Variants in CEP128 observed in about 807,000 individuals in gnomAD.
CEP128 encodes the protein centrosomal protein 128kDa.
Under a neutral mutation model 156.7 loss-of-function variants are expected in CEP128, and 132 were observed. The ratio of observed to expected loss-of-function variants is 0.84; its 90% confidence interval spans 0.73 to 0.97. The LOEUF (loss-of-function observed/expected upper bound fraction) is 0.97, where lower values mean the gene tolerates loss of function less well. CEP128 is among the 50% of genes least tolerant of loss of function. The pLI, the probability that CEP128 is intolerant of heterozygous loss-of-function variation, is 0.00. For missense variants in CEP128, 1,252 were observed against 1,281.9 expected (o/e 0.98, Z 0.36); for synonymous variants, 469 against 448.9 (o/e 1.04, Z -0.57).
intron 16 of CEP128, among the ~76,000 whole-genome samples, chr14:80,777,122 G>C (rs545722233): frequency 1.2e-4 from 19 of 152,186 alleles, no homozygotes; most frequent in Middle Eastern, 3.4e-3. Context: ...ACTCAAAAGG[G>C]AGCAATAAAA....
At chr14:80,814,661 A>G (rs1884746851) in intron 13 of CEP128, among the ~76,000 whole-genome samples, 1 of 152,210 alleles carries the variant, frequency 6.6e-6, no homozygotes, top group Non-Finnish European at 1.5e-5. Context: ...AAGAAAACCT[A>G]TGAAAAATTC....
chr14:80,800,626 G>A (rs1391761051), intron 13 of CEP128, among the ~76,000 whole-genome samples: 2 of 152,174 alleles, frequency 1.3e-5, no homozygotes, highest in Non-Finnish European at 1.5e-5. Context: ...AACTCCTGAA[G>A]AGGAATCATA....
intron 23 of CEP128, chr14:80,514,653 T>C (rs1395356037): frequency 1.5e-5 from 6 of 402,624 alleles, no homozygotes; most frequent in Non-Finnish European, 2.5e-5. Flanking sequence ...TTTGTGGTGC[T>C]ATTTAAACAG....
chr14:80,739,033 C>G (rs541461028), intron 19 of CEP128, among the ~76,000 whole-genome samples: 195 of 152,272 alleles, frequency 1.3e-3, no homozygotes, highest in Non-Finnish European at 2.0e-3. Context: ...TAAACCACTC[C>G]TAAGACTTCT....
intron 22 of CEP128, among the ~76,000 whole-genome samples, chr14:80,528,608 T>C (rs1889086571): frequency 1.3e-5 from 2 of 152,086 alleles, no homozygotes; most frequent in Non-Finnish European, 2.9e-5. Context: ...TCAAAATAAA[T>C]ATGACCGCAT....
intron 19 of CEP128, among the ~76,000 whole-genome samples, chr14:80,610,342 T>C (rs1892947269): frequency 6.6e-6 from 1 of 152,170 alleles, no homozygotes; most frequent in African/African-American, 2.4e-5. Context: ...TAATTTAACA[T>C]TGTTTTATGT....
intron 8 of CEP128, among the ~76,000 whole-genome samples, chr14:80,872,262 T>C (rs984004889): frequency 1.3e-4 from 20 of 152,190 alleles, no homozygotes; most frequent in African/African-American, 4.6e-4. Flanking sequence ...CTATGCAATA[T>C]TGATTGCGTA....
intron 8 of CEP128, among the ~76,000 whole-genome samples, chr14:80,873,376 A>G (rs559806384): frequency 6.6e-6 from 1 of 152,346 alleles, no homozygotes; most frequent in Admixed American, 6.5e-5. Flanking sequence ...AAAACTGTAG[A>G]CTATATATAG....
chr14:80,929,944 GT>G (rs1885362783), intron 2 of CEP128, among the ~76,000 whole-genome samples: 1 of 152,192 alleles, frequency 6.6e-6, no homozygotes, highest in African/African-American at 2.4e-5. Flanking sequence ...TGAACAGCGG[GT>G]GGGTGAGCAA....
chr14:80,491,845 A>T (rs1426381921), downstream of CEP128, among the ~76,000 whole-genome samples: 1 of 152,188 alleles, frequency 6.6e-6, no homozygotes, highest in Non-Finnish European at 1.5e-5. Context: ...TAAAGGATGA[A>T]GTGCTACCAC....
chr14:80,504,478 T>A (rs547828492), intron 24 of CEP128, among the ~76,000 whole-genome samples: 2 of 152,350 alleles, frequency 1.3e-5, no homozygotes, highest in East Asian at 3.9e-4. Flanking sequence ...ATGACATTTA[T>A]CAAGATTCAC....
At chr14:80,793,758 A>C (rs1901840927) in intron 13 of CEP128, among the ~76,000 whole-genome samples, 1 of 152,192 alleles carries the variant, frequency 6.6e-6, no homozygotes. Context: ...TAATCAAGAA[A>C]AAAACCTTCA....
upstream of CEP128, among the ~76,000 whole-genome samples, chr14:80,944,393 T>C (rs1040557327): frequency 2.4e-4 from 36 of 152,178 alleles, 1 homozygote; most frequent in African/African-American, 8.2e-4. Flanking sequence ...TCAGGAGATC[T>C]GATGGTTTTA....
At chr14:80,505,751 T>A (rs1177807035) in intron 23 of CEP128, among the ~76,000 whole-genome samples, 2 of 152,232 alleles carry the variant, frequency 1.3e-5, no homozygotes, top group Non-Finnish European at 1.5e-5. Context: ...GTGTTTAATA[T>A]ACTTTCCTTT....
Position 80,916,625 on chromosome 14 carries a change from T to C in CEP128, c.-15-63A>G, listed in dbSNP as rs946191817. The C allele has an allele frequency of 3.9e-6, 5 of 1,280,104 alleles. No individual in the cohort carries two copies. In the African/African-American group the frequency reaches 7.5e-5, roughly 19 times the overall value. 79.3% of individuals were successfully genotyped at this position (1,280,104 alleles called of 1,614,324 possible). A position where few individuals can be genotyped will look rare whatever the true frequency, so the allele number is the denominator to read the frequency against. On this transcript the variant is annotated intron_variant, in intron 2 of 24. Coordinates refer to ENST00000555265, the MANE Select transcript of CEP128 (RefSeq NM_152446.5). ...AAAAAGCATGGAAATAAAAGACTAA[T>C]ACAACAGTTTACTTTTGATCTCTTT... is the stretch of plus-strand genomic sequence containing the variant.
At chr14:80,737,388 A>G (rs1342066956) in intron 19 of CEP128, among the ~76,000 whole-genome samples, 1 of 152,006 alleles carries the variant, frequency 6.6e-6, no homozygotes, top group East Asian at 1.9e-4. Flanking sequence ...TGGGCGACAG[A>G]GCAAGACTCT....
At chr14:80,635,203 G>A (rs776358876) in intron 19 of CEP128, among the ~76,000 whole-genome samples, 13 of 152,090 alleles carry the variant, frequency 8.5e-5, no homozygotes, top group Non-Finnish European at 1.5e-4. Context: ...CAATCTGTCC[G>A]TGAAAATTCA....
At chr14:80,916,182 C>T (rs1219548610) in intron 3 of CEP128, among the ~76,000 whole-genome samples, 1 of 152,150 alleles carries the variant, frequency 6.6e-6, no homozygotes, top group Non-Finnish European at 1.5e-5. Context: ...TCCCTTAGAG[C>T]CTCCAGAGAG....
chr14:80,862,822 T>C lies in CEP128; in HGVS notation c.697A>G (p.Thr233Ala), dbSNP rs1265535911. ...RLQELEREMR[T>A]ERELVERRQD... ...CGTCTTTCCACCAGCTCCCTTTCTG[T>C]GCGCATCTCTCTCTCCAGTTCCTGA... Residue 233 changes from threonine to alanine, a missense_variant, in exon 9 of 25, where the codon ACA becomes GCA. Transcript: ENST00000555265. The C allele has an allele frequency of 1.2e-6, 2 of 1,614,090 alleles. No individual in the cohort carries two copies. The highest frequency in any genetic ancestry group is 1.7e-6 in the Non-Finnish European group (2 of 1,179,968).
Sources: allele counts gnomAD v4.1 joint callset (sites outside exome capture counted in the v4.1 genomes callset), GRCh38; gene constraint gnomAD v4.1.1; transcripts MANE v1.5; gene names NCBI Gene and HGNC (gene_info 2026-07-23, HGNC 2026-07-21).